Variants in APBB2 observed in about 807,000 individuals in gnomAD.
The protein encoded by APBB2 is amyloid beta precursor protein binding family B member 2.
Under a neutral mutation model 82.5 loss-of-function variants are expected in APBB2, and 38 were observed. That is an observed-to-expected ratio of 0.46 (90% CI 0.36 to 0.60). The LOEUF is 0.60. Among genes scored for constraint, APBB2 ranks in the 20% least tolerant of loss-of-function variants. The probability of loss-of-function intolerance (pLI) is 0.00; values close to 1 mark genes in which losing one functional copy is unlikely to be tolerated. For synonymous variants in APBB2, 341 were observed against 368.2 expected (o/e 0.93, Z 0.85); for missense variants, 772 against 972.3 (o/e 0.79, Z 2.74).
At chr4:40,907,381 T>A (rs7682046) in intron 10 of APBB2, among the ~76,000 whole-genome samples, 171 of 32,226 alleles carry the variant, frequency 5.3e-3, no homozygotes, top group South Asian at 9.2e-3. Flanking sequence ...ATATATATAT[T>A]TTTTTTTTTT....
chr4:40,887,624 T>G (rs528739451), intron 12 of APBB2, among the ~76,000 whole-genome samples: 1 of 152,228 alleles, frequency 6.6e-6, no homozygotes, highest in East Asian at 1.9e-4. Context: ...GAATGGAAAC[T>G]CAGGGGACCA....
At chr4:40,977,657 C>G (rs143388607) in intron 6 of APBB2, among the ~76,000 whole-genome samples, 1,838 of 152,110 alleles carry the variant, frequency 0.012, 17 homozygotes, top group Non-Finnish European at 0.016. Flanking sequence ...GTCTCAAGAG[C>G]GTCTATATAT....
chr4:40,856,225 A>T (rs1334470400), intron 12 of APBB2, among the ~76,000 whole-genome samples: 2 of 152,218 alleles, frequency 1.3e-5, no homozygotes, highest in Non-Finnish European at 2.9e-5. Flanking sequence ...GCCTTCTCCC[A>T]CCCAAGGCAG....
intron 2 of APBB2, among the ~76,000 whole-genome samples, chr4:41,123,831 A>G (rs1377895664): frequency 6.6e-6 from 1 of 152,058 alleles, no homozygotes; most frequent in African/African-American, 2.4e-5. Context: ...ACAAAAAAAA[A>G]CCAAAAAACA....
chr4:40,996,127 C>G (rs1803574901), intron 6 of APBB2, among the ~76,000 whole-genome samples: 1 of 152,104 alleles, frequency 6.6e-6, no homozygotes, highest in Admixed American at 6.6e-5. Flanking sequence ...ACAAGTGGCC[C>G]CTTCACTTTA....
At chr4:40,973,271 A>G (rs751519355) in intron 6 of APBB2, among the ~76,000 whole-genome samples, 1 of 152,214 alleles carries the variant, frequency 6.6e-6, no homozygotes, top group Non-Finnish European at 1.5e-5. Flanking sequence ...TTAACACCCC[A>G]GCTTCCTCTC....
At chr4:41,000,261 CTAAATAAATAAA>C (rs139090995) in intron 6 of APBB2, among the ~76,000 whole-genome samples, 1 of 150,614 alleles carries the variant, frequency 6.6e-6, no homozygotes, top group East Asian at 1.9e-4. Context: ...GACCCTGTCT[CTAAATAAATAAA>C]TAAATAAATA....
chr4:40,977,971 G>A (rs926060891), intron 6 of APBB2, among the ~76,000 whole-genome samples: 2 of 152,246 alleles, frequency 1.3e-5, no homozygotes, highest in Admixed American at 6.5e-5. Context: ...CTTCATGGTA[G>A]AAGCAGTGGA....
At chr4:40,958,350 T>A (rs560501732) in intron 6 of APBB2, among the ~76,000 whole-genome samples, 2 of 152,158 alleles carry the variant, frequency 1.3e-5, no homozygotes, top group East Asian at 3.8e-4. Context: ...ACTGAGAACC[T>A]CAGGCTTAAG....
At position 41,089,520 on chromosome 4, in the gene APBB2, G is replaced by A. The variant is rs184541907; in HGVS notation, c.-149+11119C>T. Among the ~76,000 whole-genome samples, 280 of 152,110 alleles carry A rather than the reference G, an allele frequency of 1.8e-3. 3 individuals carry two copies. Among genetic ancestry groups the A allele is most frequent in the Non-Finnish European group, 1.1e-3 (76 of 68,004 alleles). ...CTCAGTATCTGGTATTAACTCCTGA[G>A]CCTGGGAGAACACCAACCTTTGTGT... On this transcript the variant is annotated intron_variant, in intron 3 of 17. Coordinates refer to ENST00000508593, the MANE Select transcript of APBB2 (RefSeq NM_004307.2).
intron 1 of APBB2, among the ~76,000 whole-genome samples, chr4:41,162,428 CTTTTT>C (rs1448968021): frequency 6.6e-6 from 1 of 152,082 alleles, no homozygotes; most frequent in African/African-American, 2.4e-5. Context: ...ATTTTGCTTT[CTTTTT>C]ATCTCCCCAC....
chr4:41,197,286 C>T, intron 1 of APBB2, among the ~76,000 whole-genome samples: 2 of 152,026 alleles, frequency 1.3e-5, no homozygotes, highest in East Asian at 1.9e-4. Context: ...GGCTCAGGGC[C>T]GCAGCATTTA....
chr4:40,948,059 C>A (rs1331598463), intron 6 of APBB2, among the ~76,000 whole-genome samples: 1 of 152,128 alleles, frequency 6.6e-6, no homozygotes, highest in Non-Finnish European at 1.5e-5. Context: ...TTTATCTATC[C>A]CTTGATGGCA....
chr4:40,975,066 G>C (rs1796813799), intron 6 of APBB2, among the ~76,000 whole-genome samples: 7 of 152,084 alleles, frequency 4.6e-5, no homozygotes, highest in Admixed American at 4.6e-4. Flanking sequence ...GGTTTGGTCT[G>C]GGTCCCTCTC....
In APBB2 at chr4:40,976,301, C is replaced by T. The variant is rs568901507; in HGVS notation, c.836-31228G>A. 1.8e-4 allele frequency among the ~76,000 whole-genome samples: 27 copies of T among 152,020 alleles called. No individual in the cohort carries two copies. In the South Asian group the frequency reaches 4.1e-3, roughly 23 times the overall value. On this transcript the variant is annotated intron_variant, in intron 6 of 17. Transcript: ENST00000508593. ...GCCAAAAATCCCAGTTTCATAGCAG[C>T]GAGTGGCAAGTTTAAAATGGTGCTT...
At chr4:41,112,304 C>A (rs1749463049) in intron 2 of APBB2, among the ~76,000 whole-genome samples, 5 of 152,190 alleles carry the variant, frequency 3.3e-5, no homozygotes, top group Admixed American at 3.3e-4. Flanking sequence ...GAAGATGTAG[C>A]CCAGCTGGTG....
At chr4:40,878,053 G>A (rs1767371934) in intron 12 of APBB2, among the ~76,000 whole-genome samples, 1 of 148,370 alleles carries the variant, frequency 6.7e-6, no homozygotes, top group South Asian at 2.1e-4. Flanking sequence ...CTGAGCATTA[G>A]AGAAGCAATC....
chr4:40,904,571 G>A (rs565664986), intron 10 of APBB2, among the ~76,000 whole-genome samples: 52 of 151,950 alleles, frequency 3.4e-4, no homozygotes, highest in African/African-American at 1.2e-3. Flanking sequence ...CCTCTTGGAT[G>A]TTGCCTCCAT....
intron 4 of APBB2, among the ~76,000 whole-genome samples, chr4:41,058,269 T>G (rs1204947715): frequency 6.7e-6 from 1 of 150,328 alleles, no homozygotes; most frequent in Non-Finnish European, 1.5e-5. Context: ...ACCCTGGAAG[T>G]AGCGAATTAC....
Sources: allele counts gnomAD v4.1 joint callset (sites outside exome capture counted in the v4.1 genomes callset), GRCh38; gene constraint gnomAD v4.1.1; transcripts MANE v1.5; gene names NCBI Gene and HGNC (gene_info 2026-07-23, HGNC 2026-07-21).